The following SNAPC4 variants were observed in gnomAD, a reference collection of about 807,000 sequenced individuals.
SNAPC4 encodes the protein small nuclear RNA activating complex polypeptide 4, also known as snRNA-activating protein complex subunit 4.
Under a neutral mutation model 151.3 loss-of-function variants are expected in SNAPC4, and 127 were observed. That is an observed-to-expected ratio of 0.84 (90% CI 0.73 to 0.97). The LOEUF (loss-of-function observed/expected upper bound fraction) is 0.97. SNAPC4 is among the 50% of genes least tolerant of loss of function. SNAPC4 has a pLI of 0.00. For synonymous variants in SNAPC4, 1,002 were observed against 824.4 expected (o/e 1.22, Z -3.69); for missense variants, 2,186 against 1,935.0 (o/e 1.13, Z -2.43).
At chr9:136,388,005 T>C (rs1405737031) in intron 11 of SNAPC4, among the ~76,000 whole-genome samples, 157 bp from the exon 12 acceptor site, 2 of 152,036 alleles carry the variant, frequency 1.3e-5, no homozygotes, top group South Asian at 2.1e-4. Flanking sequence ...AGTGGCATCA[T>C]GCCTGTCATC....
intron 13 of SNAPC4, among the ~76,000 whole-genome samples, chr9:136,387,118 A>C (rs34826348): frequency 0.38 from 57,104 of 152,154 alleles, 11,091 homozygotes; most frequent in Admixed American, 0.47. Flanking sequence ...TTTGAAAGGA[A>C]AATAAGCAGG....
intron 10 of SNAPC4, 97 bp downstream of exon 10, chr9:136,391,845 G>T: frequency 7.5e-7 from 1 of 1,327,434 alleles, no homozygotes; most frequent in Non-Finnish European, 1.0e-6. Flanking sequence ...GGCGGTGAGT[G>T]AGCACTGGGG....
Position 136,377,774 on chromosome 9 carries a change from C to T in SNAPC4, c.4053G>A (p.Val1351=), listed in dbSNP as rs1169083344. Residue 1351 remains valine (V), a synonymous_variant, in exon 22 of 24, where the codon GTG becomes GTA. Transcript: ENST00000684778. ...AGALQASLGL[V]RGQLQDNPAY... is the part of the protein sequence containing the mutation. ...CCGGGTTGTCCTGGAGCTGCCCCCG[C>T]ACCAGCCCCAGTGAGGCTTGCAGTG... The T allele has an allele frequency of 1.2e-6, 2 of 1,611,766 alleles. No homozygotes were observed. Among genetic ancestry groups the T allele is most frequent in the South Asian group, 2.2e-5 (2 of 91,036 alleles).
chr9:136,387,193 A>C (rs2131487586), intron 13 of SNAPC4, among the ~76,000 whole-genome samples: 1 of 152,376 alleles, frequency 6.6e-6, no homozygotes, highest in African/African-American at 2.4e-5. Flanking sequence ...GAGAACTGAG[A>C]CAACTAGGGT....
intron 11 of SNAPC4, 83 bp from the exon 12 acceptor site, chr9:136,387,931 C>T (rs574227245): frequency 3.5e-5 from 29 of 829,358 alleles, no homozygotes; most frequent in South Asian, 2.7e-4. Context: ...AACAGGGTCC[C>T]GTGGGGCCGA....
At chr9:136,395,553 GC>G in intron 4 of SNAPC4, 49 bp downstream of exon 4, 2 of 1,572,980 alleles carry the variant, frequency 1.3e-6, no homozygotes, top group Non-Finnish European at 1.7e-6. Context: ...GCTGTGGGGG[GC>G]TCTGGGGGTG....
At position 136,378,209 on chromosome 9, in the gene SNAPC4, C is replaced by T; in HGVS notation, c.3618G>A (p.Leu1206=). Residue 1206 remains leucine (L), a synonymous_variant, in exon 22 of 24, where the codon CTG becomes CTA. Transcript: ENST00000684778. ...CTGGGATGACACCACCGAAGGCTGGCAGCCTCCCGGACCAAGGGGGTTCTG... is the reference window on the plus strand; with the variant it reads ...CTGGGATGACACCACCGAAGGCTGGTAGCCTCCCGGACCAAGGGGGTTCTG... ...PEAEPPWSGR[L]PAFGGVIPAT... is the part of the protein sequence containing the mutation. The T allele has an allele frequency of 6.2e-7, 1 of 1,611,994 alleles. No homozygotes were observed. The highest frequency in any genetic ancestry group is 8.5e-7 in the Non-Finnish European group (1 of 1,179,698).
At chr9:136,376,271 A>C in intron 23 of SNAPC4, 78 bp downstream of exon 23, 1 of 1,537,636 alleles carries the variant, frequency 6.5e-7, no homozygotes, top group Non-Finnish European at 8.9e-7. Flanking sequence ...AGCCGAGCAG[A>C]GGCCAAGGCC....
At chr9:136,388,695 G>A (rs1346899905) in intron 10 of SNAPC4, 104 bp from the exon 11 acceptor site, 4 of 1,402,190 alleles carry the variant, frequency 2.9e-6, no homozygotes, top group African/African-American at 1.4e-5. Flanking sequence ...AGCCACTGGG[G>A]TGACCCTTCT....
Position 136,383,389 on chromosome 9 carries a change from G to A in SNAPC4, c.1780C>T (p.Pro594Ser), listed in dbSNP as rs904849527. 9.5e-6 allele frequency: 15 copies of A among 1,587,236 alleles called. No homozygotes were observed. The African/African-American group carries it at 1.9e-4, about 20-fold the overall frequency. The change falls in exon 16 of 24, where the codon CCC (proline) becomes TCC (serine). Residue 594 changes from proline to serine, a missense_variant. Transcript: ENST00000684778. The surrounding 1 kb of genome is among the most constrained non-coding windows in gnomAD (Gnocchi z 4.2). ...TTGGGAGGGCTGAGGGAGGCAGCGGGGCCTCCCAGCCAGGCCCCTGCCCCT... is the reference window on the plus strand; with the variant it reads ...TTGGGAGGGCTGAGGGAGGCAGCGGAGCCTCCCAGCCAGGCCCCTGCCCCT... Reference protein sequence around the residue: ...RGGAGAWLGGPAASLSPPKGS... With the variant: ...RGGAGAWLGGSAASLSPPKGS...
At chr9:136,396,791 T>TA (rs1225305493) in intron 3 of SNAPC4, among the ~76,000 whole-genome samples, 186 bp downstream of exon 3, 2 of 152,224 alleles carry the variant, frequency 1.3e-5, no homozygotes, top group Non-Finnish European at 2.9e-5. Flanking sequence ...ACCAAGCTGT[T>TA]AACAGTGGTT....
At chr9:136,377,440 G>C in intron 22 of SNAPC4, 103 bp downstream of exon 22, 1 of 1,380,352 alleles carries the variant, frequency 7.2e-7, no homozygotes, top group South Asian at 1.7e-5. Context: ...CAGCCTTCCT[G>C]CCCGCAACTT....
chr9:136,382,223 G>T (rs3812572), intron 17 of SNAPC4, 30 bp downstream of exon 17: 1 of 1,608,052 alleles, frequency 6.2e-7, no homozygotes, highest in South Asian at 1.1e-5. Context: ...ACGTGGTGGC[G>T]TGCGCGTGGG....
chr9:136,382,115 G>T, intron 17 of SNAPC4, 42 bp from the exon 18 acceptor site: 2 of 1,560,096 alleles, frequency 1.3e-6, no homozygotes, highest in Non-Finnish European at 1.7e-6. Flanking sequence ...GGCCAGGCTC[G>T]GCCCCCGGAG....
intron 1 of SNAPC4, among the ~76,000 whole-genome samples, chr9:136,399,588 C>T (rs1278967747): frequency 6.6e-6 from 1 of 152,228 alleles, no homozygotes; most frequent in Non-Finnish European, 1.5e-5. Context: ...TGTCCCTCTC[C>T]CCGCACCCCT....
chr9:136,399,290 C>T (rs1463593226), intron 1 of SNAPC4, among the ~76,000 whole-genome samples: 1 of 152,224 alleles, frequency 6.6e-6, no homozygotes, highest in Non-Finnish European at 1.5e-5. Context: ...AAGCATCCAC[C>T]CGCGAGCACC....
intron 11 of SNAPC4, 47 bp from the exon 12 acceptor site, chr9:136,387,895 C>T (rs778716276): frequency 9.4e-7 from 1 of 1,066,510 alleles, no homozygotes; most frequent in African/African-American, 1.6e-5. Flanking sequence ...AGACACACAC[C>T]CTCCATAGAG....
At position 136,396,987 on chromosome 9, in the gene SNAPC4, G is replaced by A; in HGVS notation, c.167C>T (p.Pro56Leu). The A allele has an allele frequency of 1.2e-6, 2 of 1,612,912 alleles. No individual in the cohort carries two copies. Among genetic ancestry groups the A allele is most frequent in the Non-Finnish European group, 1.7e-6 (2 of 1,179,896 alleles). Residue 56 changes from proline (P) to leucine (L), a missense_variant, in exon 3 of 24, where the codon CCC becomes CTC. Transcript: ENST00000684778. ...LPSEDLDPAD[P>L]PISEEERWGE... is the part of the protein sequence containing the mutation. Reference sequence around the variant, plus strand: ...CAGGCCAACAGTTACCGAGATCGGGGGATCGGCAGGATCCAAGTCCTCAGA... The same window carrying A: ...CAGGCCAACAGTTACCGAGATCGGGAGATCGGCAGGATCCAAGTCCTCAGA...
intron 22 of SNAPC4, among the ~76,000 whole-genome samples, chr9:136,377,086 C>G (rs1032543486): frequency 2.0e-5 from 3 of 152,218 alleles, no homozygotes; most frequent in Non-Finnish European, 4.4e-5. Flanking sequence ...AAAACTCTCC[C>G]CAAGGACACT....
Sources: allele counts gnomAD v4.1 joint callset (sites outside exome capture counted in the v4.1 genomes callset), GRCh38; gene constraint gnomAD v4.1.1; non-coding constraint Gnocchi (gnomAD v3.1); transcripts MANE v1.5; gene names NCBI Gene and HGNC (gene_info 2026-07-23, HGNC 2026-07-21).